The following EGFR variants were observed in gnomAD, a reference collection of about 807,000 sequenced individuals.
EGFR encodes the protein avian erythroblastic leukemia viral (v-erb-b) oncogene homolog.
EGFR carries 58 observed loss-of-function variants against 143.0 expected under a neutral mutation model. The observed-to-expected ratio is 0.41, with a 90% CI of 0.33 to 0.50. EGFR has a LOEUF of 0.50. Ranked by LOEUF, EGFR falls within the 20% of genes least tolerant of loss-of-function variation. EGFR has a pLI of 0.39. For missense variants in EGFR, 1,307 were observed against 1,579.0 expected, an observed-to-expected ratio of 0.83 and a Z score of 2.92; for synonymous variants, 613 against 594.4, an observed-to-expected ratio of 1.03 and a Z score of -0.45.
chr7:55,057,195 G>T (rs796223394), intron 1 of EGFR, among the ~76,000 whole-genome samples: 25 of 152,296 alleles, frequency 1.6e-4, no homozygotes, highest in African/African-American at 5.5e-4. Flanking sequence ...ACTTTAAGAA[G>T]AATTTTTTAA....
At chr7:55,203,056 A>T (rs1287835445) in intron 27 of EGFR, 1 of 310,926 alleles carries the variant, frequency 3.2e-6, no homozygotes, top group Non-Finnish European at 5.9e-6. Flanking sequence ...TAATATTAAT[A>T]AATTTTAAGC....
chr7:55,161,981 C>G (rs1352602897), intron 13 of EGFR, among the ~76,000 whole-genome samples: 1 of 152,210 alleles, frequency 6.6e-6, no homozygotes, highest in Non-Finnish European at 1.5e-5. Flanking sequence ...GCCATTTGGG[C>G]TTTTCTTTGT....
At position 55,165,425 on chromosome 7, in the gene EGFR, A is replaced by T. The variant is rs1785924769; in HGVS notation, c.1868A>T (p.Asn623Ile). ...CATGTGTGCCACCTGTGCCATCCAA[A>T]CTGCACCTACGGGTGAGTGGAAAGT... ...AGHVCHLCHP[N>I]CTYGCTGPGL... is the part of the protein sequence containing the mutation. Residue 623 changes from asparagine to isoleucine, a missense_variant, in exon 15 of 28, where the codon AAC (asparagine) becomes ATC (isoleucine). Physicochemically the swap from Asn to Ile is moderately radical, Grantham distance 149. Coordinates refer to ENST00000275493, the MANE Select transcript of EGFR (RefSeq NM_005228.5). 1.9e-6 allele frequency: 3 copies of T among 1,613,622 alleles called. No individual in the cohort carries two copies. Among genetic ancestry groups the T allele is most frequent in the Non-Finnish European group, 1.7e-6 (2 of 1,179,716 alleles).
intron 1 of EGFR, among the ~76,000 whole-genome samples, chr7:55,087,349 A>C (rs1790832636): frequency 6.7e-6 from 1 of 150,146 alleles, no homozygotes; most frequent in African/African-American, 2.4e-5. Flanking sequence ...AGAATTTCTT[A>C]GAGAACTGAT....
intron 5 of EGFR, 36 bp downstream of exon 5, chr7:55,151,398 C>T (rs746871680): frequency 8.1e-6 from 13 of 1,604,572 alleles, no homozygotes; most frequent in Admixed American, 3.3e-5. Flanking sequence ...CATGTGTGAC[C>T]GCCCCTCTCT....
chr7:55,143,286 TTA>T lies in EGFR; in HGVS notation c.241-17_241-16del. ...GTTCCTCAAAAGAGAAATCACGCAT[TTA>T]TGTTTTCTCTTCTTAGACCATCCAG... On this transcript the variant is annotated splice_polypyrimidine_tract_variant and intron_variant, in intron 2 of 27. Coordinates refer to ENST00000275493, the MANE Select transcript of EGFR (RefSeq NM_005228.5). The T allele has an allele frequency of 1.9e-6, 3 of 1,613,930 alleles. No individual in the cohort carries two copies. Among genetic ancestry groups the T allele is most frequent in the Non-Finnish European group, 2.5e-6 (3 of 1,179,872 alleles).
intron 1 of EGFR, among the ~76,000 whole-genome samples, chr7:55,105,097 G>A (rs887653592): frequency 4.6e-5 from 7 of 152,210 alleles, no homozygotes; most frequent in African/African-American, 1.7e-4. Context: ...TTTGGATTTG[G>A]AGTCTAATGA....
intron 1 of EGFR, among the ~76,000 whole-genome samples, chr7:55,064,475 C>A (rs140364652): frequency 0.017 from 2,657 of 152,260 alleles, 32 homozygotes; most frequent in South Asian, 0.025. Flanking sequence ...GTCCATTTTC[C>A]CCACTTTTGA....
chr7:55,092,150 C>T (rs1454253339), intron 1 of EGFR, among the ~76,000 whole-genome samples: 1 of 152,096 alleles, frequency 6.6e-6, no homozygotes, highest in Non-Finnish European at 1.5e-5. Context: ...GTGGTTCCTG[C>T]TCTGCTCAGG....
At position 55,156,662 on chromosome 7, in the gene EGFR, G is replaced by A. The variant is rs2128938468; in HGVS notation, c.1133+3G>A. On this transcript the variant is annotated splice_donor_region_variant and intron_variant, in intron 9 of 27. Transcript: ENST00000275493. ...ATCCTGCCGGTGGCATTTAGGGGGT[G>A]AGTCACAGGTTCAGTTGCTTGTATA... is the stretch of plus-strand genomic sequence containing the variant. 4 of 1,614,216 alleles carry A rather than the reference G, an allele frequency of 2.5e-6. No individual in the cohort carries two copies. The highest frequency in any genetic ancestry group is 2.2e-5 in the East Asian group (1 of 44,882).
chr7:55,192,642 C>A, intron 21 of EGFR, 124 bp from the exon 22 acceptor site: 1 of 859,940 alleles, frequency 1.2e-6, no homozygotes, highest in South Asian at 1.4e-5. Flanking sequence ...GCCTGGGGGA[C>A]GGGTCCTGGG....
chr7:55,059,769 G>T (rs1340064472), intron 1 of EGFR, among the ~76,000 whole-genome samples: 1 of 152,162 alleles, frequency 6.6e-6, no homozygotes, highest in South Asian at 2.1e-4. Context: ...AATACTCAAT[G>T]AATAAATACT....
chr7:55,082,923 C>T (rs1413745763), intron 1 of EGFR, among the ~76,000 whole-genome samples: 1 of 152,198 alleles, frequency 6.6e-6, no homozygotes, highest in Non-Finnish European at 1.5e-5. Context: ...CTTGGCATTC[C>T]TTGCCTTGTA....
chr7:55,039,569 G>C (rs1184454957), intron 1 of EGFR, among the ~76,000 whole-genome samples: 1 of 152,222 alleles, frequency 6.6e-6, no homozygotes, highest in African/African-American at 2.4e-5. Context: ...GCTTGGGTGA[G>C]GGAGAGCTCC....
chr7:55,129,600 C>T (rs1406401794), intron 1 of EGFR, among the ~76,000 whole-genome samples: 1 of 152,132 alleles, frequency 6.6e-6, no homozygotes, highest in Non-Finnish European at 1.5e-5. Flanking sequence ...GTGAGTATCC[C>T]AATCTAGAAG....
chr7:55,185,472 G>A (rs932187875), intron 20 of EGFR, among the ~76,000 whole-genome samples: 5 of 152,220 alleles, frequency 3.3e-5, no homozygotes, highest in Admixed American at 2.0e-4. Flanking sequence ...CAAAGATCCC[G>A]TCATCCGTGC....
chr7:55,072,333 G>A (rs980628535), intron 1 of EGFR, among the ~76,000 whole-genome samples: 3 of 152,168 alleles, frequency 2.0e-5, no homozygotes, highest in African/African-American at 7.2e-5. Flanking sequence ...ACGGACAAAA[G>A]CACGTTCATC....
intron 15 of EGFR, among the ~76,000 whole-genome samples, chr7:55,167,525 A>G (rs1786114429): frequency 6.7e-6 from 1 of 148,432 alleles, no homozygotes; most frequent in African/African-American, 2.5e-5. Context: ...GATGGTGGTG[A>G]GGAGGTGGGA....
At position 55,152,599 on chromosome 7, in the gene EGFR, C is replaced by T. The variant is rs2128933769; in HGVS notation, c.682C>T (p.Pro228Ser). 6.2e-7 allele frequency: 1 copy of T among 1,613,888 alleles called. No homozygotes were observed. Among genetic ancestry groups the T allele is most frequent in the South Asian group, 1.1e-5 (1 of 91,084 alleles). ...CTCCGGGCGCTGCCGTGGCAAGTCCCCCAGTGACTGCTGCCACAACCAGTG... is the reference window on the plus strand; with the variant it reads ...CTCCGGGCGCTGCCGTGGCAAGTCCTCCAGTGACTGCTGCCACAACCAGTG... ...QCSGRCRGKS[P>S]SDCCHNQCAA... The change falls in exon 6 of 28, where the codon CCC becomes TCC. Residue 228 changes from proline to serine, a missense_variant. Coordinates refer to ENST00000275493, the MANE Select transcript of EGFR (RefSeq NM_005228.5).
Sources: gnomAD v4.1 joint callset for allele counts (sites outside exome capture counted in the v4.1 genomes callset) on GRCh38, gnomAD v4.1.1 for gene constraint, MANE v1.5 for transcripts, NCBI Gene and HGNC (gene_info 2026-07-23, HGNC 2026-07-21) for gene names.